The following TBX15 variants were observed in gnomAD, a reference collection of about 807,000 sequenced individuals.
TBX15 encodes T-box transcription factor TBX15.
In TBX15, 18 loss-of-function variants were observed where a neutral mutation model predicts 53.9. The ratio of observed to expected loss-of-function variants is 0.33; its 90% CI spans 0.23 to 0.49. The LOEUF is 0.49. TBX15 is among the 20% of genes least tolerant of loss of function. The probability of loss-of-function intolerance (pLI) is 0.98; values close to 1 mark genes in which losing one functional copy is unlikely to be tolerated. For synonymous variants in TBX15, 295 were observed against 278.0 expected, an observed-to-expected ratio of 1.06 and a Z score of -0.61; for missense variants, 692 against 749.5, an observed-to-expected ratio of 0.92 and a Z score of 0.90.
At chr1:118,973,058 T>G (rs1052352364) in intron 1 of TBX15, among the ~76,000 whole-genome samples, 2 of 152,240 alleles carry the variant, frequency 1.3e-5, no homozygotes, top group Non-Finnish European at 2.9e-5. Context: ...TAATTTGATA[T>G]AAACGTTAAT....
In TBX15 at chr1:118,937,755, T is replaced by C. The variant is rs17022841; in HGVS notation, c.206-5923A>G. ...GATAGACAATTCATCTTACTTTCTT[T>C]TCTGCCAAATACTGGTACACAACCA... is the stretch of plus-strand genomic sequence containing the variant. On this transcript the variant is annotated intron_variant, in intron 1 of 7. Coordinates refer to ENST00000369429, the MANE Select transcript of TBX15 (RefSeq NM_001330677.2). Among the ~76,000 whole-genome samples the C allele has an allele frequency of 3.1e-3, 470 of 152,346 alleles. 5 individuals are homozygous for C. The highest frequency in any genetic ancestry group is 0.011 in the African/African-American group (448 of 41,582).
At chr1:118,898,787 T>C (rs923904443) in intron 7 of TBX15, among the ~76,000 whole-genome samples, 4 of 152,222 alleles carry the variant, frequency 2.6e-5, no homozygotes, top group Non-Finnish European at 5.9e-5. Flanking sequence ...TATAAATATA[T>C]AACTGCACTC....
intron 3 of TBX15, among the ~76,000 whole-genome samples, 186 bp downstream of exon 3, chr1:118,926,323 AG>A (rs1557886894): frequency 6.6e-6 from 1 of 152,186 alleles, no homozygotes; most frequent in Non-Finnish European, 1.5e-5. Flanking sequence ...CCAGAGACAC[AG>A]GGGGGAATCC....
At chr1:118,917,550 A>G (rs1032385170) in intron 5 of TBX15, among the ~76,000 whole-genome samples, 1 of 152,216 alleles carries the variant, frequency 6.6e-6, no homozygotes, top group Non-Finnish European at 1.5e-5. Context: ...CACATCCTGC[A>G]TATGTGTCGT....
intron 6 of TBX15, among the ~76,000 whole-genome samples, chr1:118,909,550 T>TTTG (rs35781450): frequency 0.039 from 5,860 of 152,072 alleles, 152 homozygotes; most frequent in African/African-American, 0.067. Flanking sequence ...ATATCTCTGT[T>TTTG]TTGTTGTTGT....
intron 1 of TBX15, among the ~76,000 whole-genome samples, chr1:118,949,936 C>T (rs1656463135): frequency 6.6e-6 from 1 of 152,206 alleles, no homozygotes; most frequent in Admixed American, 6.5e-5. Flanking sequence ...TTTATGTGAT[C>T]CATAGTTGTA....
chr1:118,920,263 G>C (rs1655380696), intron 5 of TBX15, among the ~76,000 whole-genome samples: 1 of 152,184 alleles, frequency 6.6e-6, no homozygotes, highest in Non-Finnish European at 1.5e-5. Flanking sequence ...GGTCACGAGA[G>C]AGTGCAGTCC....
At chr1:118,913,099 A>G (rs12029337) in intron 6 of TBX15, among the ~76,000 whole-genome samples, 31,041 of 152,088 alleles carry the variant, frequency 0.2, 3,927 homozygotes, top group East Asian at 0.54. Context: ...GGATTTTAAT[A>G]TAATGTACTG....
chr1:118,902,888 G>A (rs1654680904), intron 6 of TBX15, among the ~76,000 whole-genome samples: 1 of 152,072 alleles, frequency 6.6e-6, no homozygotes, highest in Non-Finnish European at 1.5e-5. Flanking sequence ...CTCTAGTTTT[G>A]TAAAATTTTA....
At chr1:118,951,531 C>T (rs183916258) in intron 1 of TBX15, among the ~76,000 whole-genome samples, 2 of 152,192 alleles carry the variant, frequency 1.3e-5, no homozygotes, top group African/African-American at 4.8e-5. Context: ...GGTCCTTCCT[C>T]TCTTGTTGGC....
intron 6 of TBX15, chr1:118,901,460 G>C: frequency 4.4e-6 from 2 of 455,040 alleles, no homozygotes; most frequent in South Asian, 3.1e-5. Flanking sequence ...AACTTTGGGG[G>C]ACATATTCAA....
intron 5 of TBX15, among the ~76,000 whole-genome samples, chr1:118,917,846 T>C (rs911104462): frequency 2.6e-5 from 4 of 152,134 alleles, no homozygotes; most frequent in Non-Finnish European, 5.9e-5. Context: ...TAATCCAAAT[T>C]CCTTGTCTAG....
Position 118,885,268 on chromosome 1 carries a change from G to T in TBX15, c.1273C>A (p.Gln425Lys). The T allele has an allele frequency of 1.2e-6, 2 of 1,614,112 alleles. No individual in the cohort carries two copies. Among genetic ancestry groups the T allele is most frequent in the Non-Finnish European group, 1.7e-6 (2 of 1,180,028 alleles). ...GLSDSGYNRL[Q>K]SGTTSATQPS... is the part of the protein sequence containing the mutation. Reference sequence around the variant, plus strand: ...TGAGTGGCTGAAGTGGTGCCACTCTGAAGCCTGTTGTAGCCACTGTCACTC... The same window carrying T: ...TGAGTGGCTGAAGTGGTGCCACTCTTAAGCCTGTTGTAGCCACTGTCACTC... The change falls in exon 8 of 8, where the codon CAG becomes AAG. Residue 425 changes from glutamine (Q) to lysine (K), a missense_variant. Coordinates refer to ENST00000369429, the MANE Select transcript of TBX15 (RefSeq NM_001330677.2).
intron 5 of TBX15, among the ~76,000 whole-genome samples, chr1:118,923,144 C>T (rs926411588): frequency 2.4e-4 from 37 of 151,820 alleles, no homozygotes; most frequent in Non-Finnish European, 1.0e-4. Flanking sequence ...ATGGCTTCTG[C>T]AGTTTTACTA....
chr1:118,913,187 C>A (rs770761387), intron 6 of TBX15, among the ~76,000 whole-genome samples: 1 of 151,624 alleles, frequency 6.6e-6, no homozygotes, highest in African/African-American at 2.4e-5. Flanking sequence ...CAAAGATAAC[C>A]CCTGGTAATC....
chr1:118,987,209 C>T (rs1055525331), intron 1 of TBX15, among the ~76,000 whole-genome samples: 13 of 152,352 alleles, frequency 8.5e-5, no homozygotes, highest in African/African-American at 2.6e-4. Context: ...CCGCGCCAGT[C>T]CTCCCGAGTT....
intron 6 of TBX15, among the ~76,000 whole-genome samples, chr1:118,907,986 G>A (rs1654893890): frequency 6.6e-6 from 1 of 152,106 alleles, no homozygotes; most frequent in East Asian, 1.9e-4. Flanking sequence ...CTAATCTACA[G>A]TTAGGCTAAA....
At chr1:118,893,426 A>G (rs1167321796) in intron 7 of TBX15, among the ~76,000 whole-genome samples, 3 of 136,942 alleles carry the variant, frequency 2.2e-5, no homozygotes, top group African/African-American at 5.9e-5. Context: ...GGAAAGAAAG[A>G]TGGAAGGAAG....
At chr1:118,888,193 G>A (rs1654016194) in intron 7 of TBX15, among the ~76,000 whole-genome samples, 1 of 152,130 alleles carries the variant, frequency 6.6e-6, no homozygotes, top group South Asian at 2.1e-4. Flanking sequence ...CCTGATTCTA[G>A]GCCTATTAAC....
Sources: allele counts gnomAD v4.1 joint callset (sites outside exome capture counted in the v4.1 genomes callset), GRCh38; gene constraint gnomAD v4.1.1; transcripts MANE v1.5; gene names NCBI Gene and HGNC (gene_info 2026-07-23, HGNC 2026-07-21).